Variants in CTNNA2 observed in about 807,000 individuals in gnomAD.
CTNNA2 encodes the protein catenin alpha 2.
In CTNNA2, 42 loss-of-function variants were observed where a neutral mutation model predicts 101.0. The observed-to-expected ratio is 0.42, with a 90% CI of 0.32 to 0.54. The LOEUF is 0.54. Among genes scored for constraint, CTNNA2 ranks in the 20% least tolerant of loss-of-function variants. The pLI, the probability that CTNNA2 is intolerant of heterozygous loss-of-function variation, is 0.14. For missense variants in CTNNA2, 871 were observed against 1,223.1 expected, an observed-to-expected ratio of 0.71 and a Z score of 4.29; for synonymous variants, 450 against 456.4, an observed-to-expected ratio of 0.99 and a Z score of 0.18.
Position 79,893,027 on chromosome 2 carries a change from A to G in CTNNA2, c.853-16567A>G, listed in dbSNP as rs547397990. Reference sequence around the variant, plus strand: ...CCACATTATTATTATGGTCACAGACATGTCTTATTTCCATGACGTGGCTGA... The same window carrying G: ...CCACATTATTATTATGGTCACAGACGTGTCTTATTTCCATGACGTGGCTGA... On this transcript the variant is annotated intron_variant, in intron 6 of 18. Coordinates refer to ENST00000402739, the MANE Select transcript of CTNNA2 (RefSeq NM_001282597.3). Among the ~76,000 whole-genome samples the G allele has an allele frequency of 2.6e-5, 4 of 152,302 alleles. No individual in the cohort carries two copies. In the South Asian group the frequency reaches 8.3e-4, roughly 32 times the overall value.
intron 2 of CTNNA2, among the ~76,000 whole-genome samples, chr2:79,287,062 T>A (rs1675616654): frequency 6.6e-6 from 1 of 152,222 alleles, no homozygotes; most frequent in South Asian, 2.1e-4. Flanking sequence ...TCCTGAGACT[T>A]CTGCATTCTT....
chr2:80,081,854 C>A (rs1243002361), intron 7 of CTNNA2, among the ~76,000 whole-genome samples: 1 of 152,006 alleles, frequency 6.6e-6, no homozygotes, highest in East Asian at 1.9e-4. Context: ...TGTATAGAAG[C>A]ACTTTTATTA....
chr2:79,261,462 T>C (rs543417117), intron 2 of CTNNA2, among the ~76,000 whole-genome samples: 2 of 152,340 alleles, frequency 1.3e-5, no homozygotes, highest in East Asian at 3.9e-4. Flanking sequence ...TATATGAAGA[T>C]ATCACAGACT....
At chr2:79,932,140 C>T (rs1322733556) in intron 7 of CTNNA2, among the ~76,000 whole-genome samples, 5 of 152,184 alleles carry the variant, frequency 3.3e-5, no homozygotes, top group Non-Finnish European at 5.9e-5. Context: ...TGGAGCAACT[C>T]TTACTGTTGT....
rs183305591 is a variant in CTNNA2 at position 79,615,131 on chromosome 2, G to A, written c.-5-36421G>A. Among the ~76,000 whole-genome samples the A allele has an allele frequency of 4.5e-4, 68 of 152,142 alleles. 2 individuals carry two copies. Among genetic ancestry groups the A allele is most frequent in the Admixed American group, 4.0e-3 (61 of 15,282 alleles). On this transcript the variant is annotated intron_variant, in intron 1 of 18. Coordinates refer to ENST00000402739, the MANE Select transcript of CTNNA2 (RefSeq NM_001282597.3). ...GTTCTTTTCAGCATGTCTATATATA[G>A]CCCTCTTCTTTAATTGGATTACCAA...
At chr2:79,248,192 T>C (rs1031641485) in intron 2 of CTNNA2, among the ~76,000 whole-genome samples, 15 of 152,118 alleles carry the variant, frequency 9.9e-5, no homozygotes, top group Non-Finnish European at 2.1e-4. Flanking sequence ...AATTGACTCA[T>C]AGTGTTTCTG....
intron 12 of CTNNA2, among the ~76,000 whole-genome samples, chr2:80,571,746 C>G (rs556921414): frequency 3.3e-5 from 5 of 152,070 alleles, no homozygotes; most frequent in Non-Finnish European, 7.4e-5. Flanking sequence ...TTTATCCCAC[C>G]CAGATGTACT....
intron 2 of CTNNA2, among the ~76,000 whole-genome samples, chr2:79,220,557 G>A (rs754694475): frequency 6.6e-6 from 1 of 151,956 alleles, no homozygotes; most frequent in Non-Finnish European, 1.5e-5. Context: ...AAGTGAGAAG[G>A]GCCAGATGGA....
At chr2:79,524,190 T>C (rs895736082) in intron 1 of CTNNA2, among the ~76,000 whole-genome samples, 3 of 152,014 alleles carry the variant, frequency 2.0e-5, no homozygotes. Flanking sequence ...GTGACAACTC[T>C]CAATTCATAA....
chr2:79,333,918 A>G (rs1048033148), intron 3 of CTNNA2, among the ~76,000 whole-genome samples: 3 of 152,078 alleles, frequency 2.0e-5, no homozygotes, highest in Admixed American at 1.3e-4. Context: ...GGTCATTCGT[A>G]TGGTGTGGTT....
intron 7 of CTNNA2, among the ~76,000 whole-genome samples, chr2:80,331,780 C>T (rs1185797362): frequency 6.6e-6 from 1 of 152,068 alleles, no homozygotes; most frequent in Non-Finnish European, 1.5e-5. Flanking sequence ...CTTTTTCTTC[C>T]CAATCCCCAT....
At chr2:79,190,064 G>A (rs1673832578) in intron 1 of CTNNA2, among the ~76,000 whole-genome samples, 1 of 152,052 alleles carries the variant, frequency 6.6e-6, no homozygotes, top group Admixed American at 6.6e-5. Flanking sequence ...CAAACCATAA[G>A]TTTTAATGAA....
intron 7 of CTNNA2, among the ~76,000 whole-genome samples, chr2:80,380,252 A>G (rs551637381): frequency 3.6e-4 from 55 of 151,992 alleles, no homozygotes; most frequent in East Asian, 1.6e-3. Flanking sequence ...TAGCCAGGAT[A>G]ATCTCGATCT....
intron 1 of CTNNA2, among the ~76,000 whole-genome samples, chr2:79,577,918 T>C (rs1675897842): frequency 6.6e-6 from 1 of 152,188 alleles, no homozygotes; most frequent in Non-Finnish European, 1.5e-5. Flanking sequence ...CTGAAAATAA[T>C]AACTTTTTAT....
At chr2:80,048,786 C>A (rs1379437100) in intron 7 of CTNNA2, among the ~76,000 whole-genome samples, 1 of 152,128 alleles carries the variant, frequency 6.6e-6, no homozygotes, top group African/African-American at 2.4e-5. Context: ...ATGGGAAGTT[C>A]TACTGTGTAG....
chr2:80,174,783 T>C (rs1321783624), intron 7 of CTNNA2, among the ~76,000 whole-genome samples: 1 of 152,210 alleles, frequency 6.6e-6, no homozygotes, highest in Non-Finnish European at 1.5e-5. Context: ...TCAGAGTTCC[T>C]GGATCTTATC....
At chr2:79,733,564 G>C (rs771446258) in intron 2 of CTNNA2, among the ~76,000 whole-genome samples, 6 of 151,968 alleles carry the variant, frequency 3.9e-5, no homozygotes, top group African/African-American at 7.2e-5. Context: ...ACGCATTAAA[G>C]TATAAGTTCA....
intron 7 of CTNNA2, among the ~76,000 whole-genome samples, chr2:80,235,379 C>T (rs1279871098): frequency 6.6e-6 from 1 of 152,182 alleles, no homozygotes; most frequent in East Asian, 1.9e-4. Context: ...CGGGCTGTTT[C>T]TGCTCTTGAA....
Position 79,909,719 on chromosome 2 carries a change from C to G in CTNNA2, c.978C>G (p.Asp326Glu), listed in dbSNP as rs1181262491. 6.2e-7 allele frequency: 1 copy of G among 1,613,924 alleles called. No individual in the cohort carries two copies. Among genetic ancestry groups the G allele is most frequent in the African/African-American group, 1.3e-5 (1 of 75,056 alleles). ...CCGACTCCTCCTGCACGCGAGACGACCGGCGCGAGAGGATCGTGGCGGAGT... is the reference window on the plus strand; with the variant it reads ...CCGACTCCTCCTGCACGCGAGACGAGCGGCGCGAGAGGATCGTGGCGGAGT... ...LMADSSCTRD[D>E]RRERIVAECN... The change falls in exon 7 of 19, where the codon GAC becomes GAG. Residue 326 changes from aspartate (D) to glutamate (E), a missense_variant. By Grantham distance (45) the Asp-to-Glu change is conservative. Transcript: ENST00000402739.
Sources: allele counts gnomAD v4.1 joint callset (sites outside exome capture counted in the v4.1 genomes callset), GRCh38; gene constraint gnomAD v4.1.1; transcripts MANE v1.5; gene names NCBI Gene and HGNC (gene_info 2026-07-23, HGNC 2026-07-21).